Variants in LSM12 observed in about 807,000 individuals in gnomAD.
LSM12 encodes LSM12 homolog, also known as protein LSM12.
For synonymous variants in LSM12, 74 were observed against 87.3 expected (o/e 0.85, Z 0.85); for missense variants, 108 against 238.9 (o/e 0.45, Z 3.61).
upstream of LSM12, chr17:44,066,721 T>A (rs2049885884): frequency 8.7e-7 from 1 of 1,150,792 alleles, no homozygotes; most frequent in East Asian, 3.6e-5. Flanking sequence ...CTGGCGCTGG[T>A]TGGGGCGGGA....
chr17:44,063,082 G>C (rs1424672174), intron 2 of LSM12, among the ~76,000 whole-genome samples: 1 of 151,828 alleles, frequency 6.6e-6, no homozygotes, highest in Non-Finnish European at 1.5e-5. Flanking sequence ...AAAAACGCCG[G>C]GCGCAGTGGC....
intron 3 of LSM12, among the ~76,000 whole-genome samples, chr17:44,038,240 G>A (rs1240246585): frequency 6.6e-6 from 1 of 151,758 alleles, no homozygotes; most frequent in Non-Finnish European, 1.5e-5. Context: ...TGTAGTCCCA[G>A]TTACTCCGGG....
At chr17:44,061,658 G>A (rs1318581054) in intron 2 of LSM12, among the ~76,000 whole-genome samples, 2 of 152,142 alleles carry the variant, frequency 1.3e-5, no homozygotes, top group Non-Finnish European at 1.5e-5. Context: ...GTGTTTCCTT[G>A]CTTTGCTGAA....
intron 1 of LSM12, among the ~76,000 whole-genome samples, 200 bp from the exon 2 acceptor site, chr17:44,064,134 AAGG>A (rs1430032468): frequency 6.6e-6 from 1 of 152,162 alleles, no homozygotes; most frequent in Non-Finnish European, 1.5e-5. Flanking sequence ...GAAGCTTCCA[AAGG>A]AGTTCTGTCA....
At chr17:44,065,222 C>G (rs529429912) in intron 1 of LSM12, among the ~76,000 whole-genome samples, 1 of 151,980 alleles carries the variant, frequency 6.6e-6, no homozygotes, top group Non-Finnish European at 1.5e-5. Flanking sequence ...ATCACGAGGT[C>G]AGAAGTTCGA....
intron 2 of LSM12, among the ~76,000 whole-genome samples, chr17:44,056,642 G>C (rs1018659967): frequency 1.3e-5 from 2 of 151,082 alleles, no homozygotes; most frequent in African/African-American, 4.9e-5. Context: ...GCAGTGAGCT[G>C]AGATTGCACC....
At chr17:44,038,191 A>G (rs1461842181) in intron 3 of LSM12, among the ~76,000 whole-genome samples, 1 of 152,042 alleles carries the variant, frequency 6.6e-6, no homozygotes, top group Non-Finnish European at 1.5e-5. Context: ...TCTACTAAAA[A>G]TACATACAAA....
chr17:44,040,295 C>G, intron 2 of LSM12, 39 bp from the exon 3 acceptor site: 1 of 1,484,488 alleles, frequency 6.7e-7, no homozygotes, highest in Non-Finnish European at 9.4e-7. Context: ...GAATAGGATT[C>G]ATCTTCATTC....
At chr17:44,047,545 C>G (rs2049585634) in intron 2 of LSM12, among the ~76,000 whole-genome samples, 1 of 151,802 alleles carries the variant, frequency 6.6e-6, no homozygotes, top group Non-Finnish European at 1.5e-5. Flanking sequence ...CCATGCCCAG[C>G]CTGGATTGTC....
At chr17:44,067,369 G>A (rs1484322059), upstream of LSM12, 1 of 152,198 alleles carries the variant, frequency 6.6e-6, no homozygotes, top group Non-Finnish European at 1.5e-5. Context: ...ATTGGCTGTG[G>A]AGTTAGATAA....
At chr17:44,037,651 A>G in intron 3 of LSM12, 113 bp from the exon 4 acceptor site, 1 of 1,302,686 alleles carries the variant, frequency 7.7e-7, no homozygotes, top group Non-Finnish European at 1.0e-6. Flanking sequence ...CTCACCACTC[A>G]GCCAACAACT....
chr17:44,056,452 C>CA (rs2049715721), intron 2 of LSM12, among the ~76,000 whole-genome samples: 1 of 151,792 alleles, frequency 6.6e-6, no homozygotes, highest in Non-Finnish European at 1.5e-5. Context: ...CCCCAACTGA[C>CA]AAAAAATTGT....
In LSM12 at chr17:44,036,179, T is replaced by C; in HGVS notation, c.*29A>G. 6.2e-7 allele frequency: 1 copy of C among 1,604,024 alleles called. No homozygotes were observed. The highest frequency in any genetic ancestry group is 8.5e-7 in the Non-Finnish European group (1 of 1,174,912). On this transcript the variant is annotated 3_prime_UTR_variant, in exon 5 of 5. Coordinates refer to ENST00000293406, the MANE Select transcript of LSM12 (RefSeq NM_001371445.1). Reference sequence around the variant, plus strand: ...CACCACCAGCGCCTCCTTGGCTGGATGCTGGAAGAGTCCTCCATGTGTACG... The same window carrying C: ...CACCACCAGCGCCTCCTTGGCTGGACGCTGGAAGAGTCCTCCATGTGTACG...
At chr17:44,046,215 G>A (rs1279721512) in intron 2 of LSM12, among the ~76,000 whole-genome samples, 2 of 151,816 alleles carry the variant, frequency 1.3e-5, no homozygotes, top group Non-Finnish European at 2.9e-5. Flanking sequence ...GATTACAGGT[G>A]TGAGTCACCA....
intron 4 of LSM12, 106 bp from the exon 5 acceptor site, chr17:44,036,406 T>C (rs553956594): frequency 5.9e-5 from 86 of 1,448,410 alleles, no homozygotes; most frequent in Middle Eastern, 1.8e-4. Flanking sequence ...GTCCAGCCCA[T>C]TGGTGTCCAG....
chr17:44,045,185 G>A lies in LSM12; in HGVS notation c.259-4929C>T, dbSNP rs571628682. ...TGGGATTACAGGTGCCCACCACCAC[G>A]CCTGGCTAATTTTTGTATTTTTAGT... On this transcript the variant is annotated intron_variant, in intron 2 of 4. Transcript: ENST00000293406. 1.4e-4 allele frequency among the ~76,000 whole-genome samples: 22 copies of A among 152,128 alleles called. No homozygotes were observed. In the East Asian group the frequency reaches 4.1e-3, roughly 28 times the overall value.
chr17:44,057,093 T>C (rs1021657730), intron 2 of LSM12, among the ~76,000 whole-genome samples: 5 of 151,216 alleles, frequency 3.3e-5, no homozygotes, highest in Non-Finnish European at 7.4e-5. Flanking sequence ...GAGGCGGAGG[T>C]TGCAGTGAGC....
At chr17:44,054,380 C>A (rs1315497584) in intron 2 of LSM12, among the ~76,000 whole-genome samples, 1 of 152,186 alleles carries the variant, frequency 6.6e-6, no homozygotes, top group Non-Finnish European at 1.5e-5. Flanking sequence ...GGCATGACTA[C>A]AGCTCACTGC....
Position 44,065,146 on chromosome 17 carries a change from A to C in LSM12, c.125-1212T>G, listed in dbSNP as rs548759140. On this transcript the variant is annotated intron_variant, in intron 1 of 4. Transcript: ENST00000293406. Reference sequence around the variant, plus strand: ...GAAACTCCGTCTCAAAAAACACAACAAAAAAAAAAGCCGGGCGGTGGCTCA... The same window carrying C: ...GAAACTCCGTCTCAAAAAACACAACCAAAAAAAAAGCCGGGCGGTGGCTCA... Among the ~76,000 whole-genome samples, 3 of 131,302 alleles carry C rather than the reference A, an allele frequency of 2.3e-5. No individual in the cohort carries two copies. In the Admixed American group the frequency reaches 2.3e-4, roughly 10 times the overall value. The allele number at this position is 131,302 out of a possible 152,430, so 86.1% of individuals were successfully genotyped here.
Sources: gnomAD v4.1 joint callset for allele counts (sites outside exome capture counted in the v4.1 genomes callset) on GRCh38, gnomAD v4.1.1 for gene constraint, MANE v1.5 for transcripts, NCBI Gene and HGNC (gene_info 2026-07-23, HGNC 2026-07-21) for gene names.